Variants in FRMD5 observed in about 807,000 individuals in gnomAD.
FRMD5 encodes the protein FERM domain containing 5.
A neutral mutation model predicts 69.0 loss-of-function variants in FRMD5; 20 were observed. That is an observed-to-expected ratio of 0.29 (90% CI 0.20 to 0.42). FRMD5 has a LOEUF of 0.42. Among genes scored for constraint, FRMD5 ranks in the 10% least tolerant of loss-of-function variants. The probability of loss-of-function intolerance (pLI) is 1.00; values close to 1 mark genes in which losing one functional copy is unlikely to be tolerated. For synonymous variants in FRMD5, 271 were observed against 260.1 expected (o/e 1.04, Z -0.40); for missense variants, 595 against 708.6 (o/e 0.84, Z 1.82).
At chr15:43,972,688 T>C (rs61271143) in intron 1 of FRMD5, among the ~76,000 whole-genome samples, 5,172 of 152,272 alleles carry the variant, frequency 0.034, 247 homozygotes, top group African/African-American at 0.11. Context: ...CTCAGGGCTA[T>C]GGTTTTCTAG....
intron 1 of FRMD5, among the ~76,000 whole-genome samples, chr15:43,971,708 C>T (rs1489756674): frequency 6.7e-6 from 1 of 150,288 alleles, no homozygotes; most frequent in African/African-American, 2.4e-5. Context: ...GTTTTTAAAA[C>T]TTCGTTTTTT....
intron 1 of FRMD5, among the ~76,000 whole-genome samples, chr15:43,971,634 A>G (rs1566871141): frequency 6.6e-6 from 1 of 151,920 alleles, no homozygotes; most frequent in Non-Finnish European, 1.5e-5. Context: ...CATCTAAAAA[A>G]AAAAAAAAAA....
intron 1 of FRMD5, among the ~76,000 whole-genome samples, chr15:44,132,990 T>C (rs1042848907): frequency 1.3e-5 from 2 of 151,536 alleles, no homozygotes; most frequent in Non-Finnish European, 2.9e-5. Context: ...CTCAAACTCC[T>C]GACCTTGTGA....
rs552123111 is a variant in FRMD5 at position 43,929,999 on chromosome 15, T to A, written c.103-5690A>T. On this transcript the variant is annotated intron_variant, in intron 1 of 13. Coordinates refer to ENST00000417257, the MANE Select transcript of FRMD5 (RefSeq NM_032892.5). ...CATTAGTGAGCTGAGCAGAAAAGTGTGAATTAATTTCTGGGGTGCAGTCCC... is the reference window on the plus strand; with the variant it reads ...CATTAGTGAGCTGAGCAGAAAAGTGAGAATTAATTTCTGGGGTGCAGTCCC... 3.4e-4 allele frequency among the ~76,000 whole-genome samples: 51 copies of A among 152,232 alleles called. No homozygotes were observed. In the South Asian group the frequency reaches 0.01, roughly 31 times the overall value.
intron 1 of FRMD5, among the ~76,000 whole-genome samples, chr15:44,028,471 G>T (rs1330366755): frequency 1.3e-5 from 2 of 152,218 alleles, no homozygotes; most frequent in South Asian, 2.1e-4. Context: ...GTCTAGAGAA[G>T]ATCAACTCTC....
intron 7 of FRMD5, among the ~76,000 whole-genome samples, chr15:43,901,294 CTG>C (rs1343888400): frequency 6.6e-6 from 1 of 152,204 alleles, no homozygotes; most frequent in African/African-American, 2.4e-5. Context: ...GCCACCCAGT[CTG>C]TGATACTTGT....
At chr15:43,965,859 C>T (rs907918126) in intron 1 of FRMD5, among the ~76,000 whole-genome samples, 4 of 151,786 alleles carry the variant, frequency 2.6e-5, no homozygotes, top group East Asian at 1.9e-4. Flanking sequence ...GGATTACAGG[C>T]GTGAGCCACC....
intron 1 of FRMD5, among the ~76,000 whole-genome samples, chr15:43,940,002 C>A (rs2089834583): frequency 6.6e-6 from 1 of 152,252 alleles, no homozygotes; most frequent in African/African-American, 2.4e-5. Flanking sequence ...CAGGGTGAAA[C>A]CCTGTGTCTA....
At chr15:44,185,958 C>G (rs1311124522) in intron 1 of FRMD5, among the ~76,000 whole-genome samples, 3 of 152,132 alleles carry the variant, frequency 2.0e-5, no homozygotes, top group Non-Finnish European at 4.4e-5. Context: ...CAGAGTTTCT[C>G]TCTTGTTGCC....
intron 1 of FRMD5, among the ~76,000 whole-genome samples, chr15:44,057,707 T>C (rs1251188292): frequency 6.6e-6 from 1 of 152,236 alleles, no homozygotes; most frequent in African/African-American, 2.4e-5. Flanking sequence ...GGATTAGGAA[T>C]CGACACACAT....
At chr15:44,179,066 G>A (rs1029484769) in intron 1 of FRMD5, among the ~76,000 whole-genome samples, 7 of 151,990 alleles carry the variant, frequency 4.6e-5, no homozygotes, top group African/African-American at 1.7e-4. Flanking sequence ...TGTAGACTGG[G>A]ATGTACCTTT....
intron 1 of FRMD5, among the ~76,000 whole-genome samples, chr15:44,096,215 A>G (rs2076550006): frequency 6.7e-6 from 1 of 150,306 alleles, no homozygotes; most frequent in Admixed American, 6.6e-5. Flanking sequence ...TCAAAAAAAA[A>G]AAAAAAAAAA....
At chr15:43,979,618 A>T (rs1486174554) in intron 1 of FRMD5, among the ~76,000 whole-genome samples, 1 of 152,234 alleles carries the variant, frequency 6.6e-6, no homozygotes, top group African/African-American at 2.4e-5. Flanking sequence ...GACCAAAAAG[A>T]AACATAGATA....
At chr15:43,876,055 A>C in intron 13 of FRMD5, 1 of 1,232,342 alleles carries the variant, frequency 8.1e-7, no homozygotes, top group Non-Finnish European at 1.2e-6. Context: ...ACTTCATTGA[A>C]TCTCATCCCA....
chr15:43,873,600 A>G lies in FRMD5; in HGVS notation c.*285T>C. 1.4e-6 allele frequency: 2 copies of G among 1,447,312 alleles called. No homozygotes were observed. The highest frequency in any genetic ancestry group is 2.9e-5 in the African/African-American group (2 of 69,740). 89.7% of individuals were successfully genotyped at this position (1,447,312 alleles called of 1,614,324 possible). A position where few individuals can be genotyped will look rare whatever the true frequency, so the allele number is the denominator to read the frequency against. ...ATACATCTATGAAAAATCAAAATTC[A>G]AAACCAAAAATTATCCTGCAAATTG... is the stretch of plus-strand genomic sequence containing the variant. On this transcript the variant is annotated 3_prime_UTR_variant, in exon 14 of 14. Transcript: ENST00000417257.
chr15:43,907,476 C>T (rs1322407053), intron 5 of FRMD5, among the ~76,000 whole-genome samples: 1 of 151,866 alleles, frequency 6.6e-6, no homozygotes, highest in Non-Finnish European at 1.5e-5. Flanking sequence ...CTGAAGTGAT[C>T]CGCCCACCTC....
At chr15:43,973,321 C>T (rs905480426) in intron 1 of FRMD5, among the ~76,000 whole-genome samples, 2 of 151,334 alleles carry the variant, frequency 1.3e-5, no homozygotes, top group Admixed American at 6.6e-5. Context: ...CGCACCTGGC[C>T]GATTTTGGTT....
At chr15:44,105,021 C>T (rs1237468606) in intron 1 of FRMD5, among the ~76,000 whole-genome samples, 1 of 151,602 alleles carries the variant, frequency 6.6e-6, no homozygotes, top group African/African-American at 2.4e-5. Context: ...ATGAATAATG[C>T]TGATAAAACT....
intron 1 of FRMD5, among the ~76,000 whole-genome samples, chr15:44,120,013 T>C (rs1358103509): frequency 1.3e-5 from 2 of 152,168 alleles, no homozygotes; most frequent in African/African-American, 2.4e-5. Context: ...ATAAACAGCA[T>C]GGTCCCAGAG....
Sources: gnomAD v4.1 joint callset for allele counts (sites outside exome capture counted in the v4.1 genomes callset) on GRCh38, gnomAD v4.1.1 for gene constraint, MANE v1.5 for transcripts, NCBI Gene and HGNC (gene_info 2026-07-23, HGNC 2026-07-21) for gene names.